OXNAD1: variants seen among roughly 807,000 people sequenced by gnomAD.
The protein encoded by OXNAD1 is oxidoreductase NAD binding domain containing 1.
Under a neutral mutation model 32.9 loss-of-function variants are expected in OXNAD1, and 34 were observed. The observed-to-expected ratio is 1.03, with a 90% confidence interval of 0.79 to 1.38. OXNAD1 has a LOEUF of 1.38. OXNAD1 is among the 40% of genes most tolerant of loss of function. The pLI, the probability that OXNAD1 is intolerant of heterozygous loss-of-function variation, is 0.00. For missense variants in OXNAD1, 407 were observed against 379.4 expected, an observed-to-expected ratio of 1.07 and a Z score of -0.60; for synonymous variants, 134 against 135.2, an observed-to-expected ratio of 0.99 and a Z score of 0.06.
At chr3:16,283,313 T>A (rs143231348) in intron 4 of OXNAD1, among the ~76,000 whole-genome samples, 208 of 152,302 alleles carry the variant, frequency 1.4e-3, no homozygotes, top group African/African-American at 4.8e-3. Flanking sequence ...TTTCGTTGTA[T>A]GGCATAAGTG....
intron 4 of OXNAD1, among the ~76,000 whole-genome samples, chr3:16,281,895 CTTTTTT>C (rs1213407558): frequency 0.011 from 1,201 of 110,510 alleles, 10 homozygotes; most frequent in Non-Finnish European, 0.018. Flanking sequence ...AATAACATTT[CTTTTTT>C]TTTTTTTTTT....
At position 16,303,714 on chromosome 3, in the gene OXNAD1, C is replaced by A; in HGVS notation, c.*152C>A. The A allele has an allele frequency of 1.3e-6, 1 of 792,488 alleles. No homozygotes were observed. Among genetic ancestry groups the A allele is most frequent in the Non-Finnish European group, 1.8e-6 (1 of 542,850 alleles). The allele number at this position is 792,488 out of a possible 1,614,324, so 49.1% of individuals were successfully genotyped here. ...TGACCAGCTGGATAATAAAAGCCAGCTGGCAGACTTAAATGATAAACTTTT... is the reference window on the plus strand; with the variant it reads ...TGACCAGCTGGATAATAAAAGCCAGATGGCAGACTTAAATGATAAACTTTT... On this transcript the variant is annotated 3_prime_UTR_variant, in exon 9 of 9. Transcript: ENST00000285083. This position sits in a 1 kb window ranked among gnomAD's most constrained non-coding sequence, Gnocchi z 4.8.
rs148162192 is a variant in OXNAD1, at chr3:16,334,466, C to T, written c.*31-2646C>T. On this transcript the variant is annotated intron_variant, in intron 9 of 9. Coordinates refer to the OXNAD1 transcript ENST00000435829. The surrounding 1 kb of genome is among the most constrained non-coding windows in gnomAD (Gnocchi z 4.3). Reference sequence around the variant, plus strand: ...ATGCACAGAGTTATTCACTGGAGAGCGGTCTGCAGTAGCAAGACACTGGAA... The same window carrying T: ...ATGCACAGAGTTATTCACTGGAGAGTGGTCTGCAGTAGCAAGACACTGGAA... Among the ~76,000 whole-genome samples the T allele has an allele frequency of 8.2e-4, 125 of 152,244 alleles. No homozygotes were observed. Among genetic ancestry groups the T allele is most frequent in the African/African-American group, 2.7e-3 (112 of 41,530 alleles).
chr3:16,311,022 G>A (rs996143699), downstream of OXNAD1, among the ~76,000 whole-genome samples: 47 of 143,352 alleles, frequency 3.3e-4, no homozygotes, highest in African/African-American at 1.2e-3. Flanking sequence ...AAATCATCTG[G>A]GAGAATTCCC....
At chr3:16,351,643 C>T (rs186487837), downstream of OXNAD1, among the ~76,000 whole-genome samples, 2 of 152,230 alleles carry the variant, frequency 1.3e-5, no homozygotes, top group East Asian at 3.9e-4. This position sits in a 1 kb window ranked among gnomAD's most constrained non-coding sequence, Gnocchi z 5.4. Context: ...ATGCTCATGC[C>T]CTTCTGACCT....
chr3:16,338,225 T>A (rs2071043410), downstream of OXNAD1, among the ~76,000 whole-genome samples: 1 of 152,218 alleles, frequency 6.6e-6, no homozygotes, highest in Non-Finnish European at 1.5e-5. The surrounding 1 kb of genome is among the most constrained non-coding windows in gnomAD (Gnocchi z 5.3). Flanking sequence ...TGCATCCTTA[T>A]TATCAGGGGT....
chr3:16,292,147 T>G (rs190269305), intron 5 of OXNAD1, among the ~76,000 whole-genome samples: 1 of 151,884 alleles, frequency 6.6e-6, no homozygotes, highest in African/African-American at 2.4e-5. Context: ...TTAATAGATA[T>G]ATTATTTAAA....
At chr3:16,266,594 C>T (rs1336747065) in intron 1 of OXNAD1, among the ~76,000 whole-genome samples, 3 of 116,454 alleles carry the variant, frequency 2.6e-5, no homozygotes, top group Non-Finnish European at 5.0e-5. Flanking sequence ...CAGAGCTAGA[C>T]GCTGTCTCAA....
At chr3:16,270,353 G>C (rs2064836966) in intron 2 of OXNAD1, among the ~76,000 whole-genome samples, 1 of 152,162 alleles carries the variant, frequency 6.6e-6, no homozygotes, top group Non-Finnish European at 1.5e-5. Flanking sequence ...GCATGTAGTT[G>C]CAGTTTGTTT....
At position 16,303,406 on chromosome 3, in the gene OXNAD1, A is replaced by T. The variant is rs1447833380; in HGVS notation, c.785-2A>T. On this transcript the variant is annotated splice_acceptor_variant, in intron 8 of 8. Transcript: ENST00000285083. LOFTEE classifies it high-confidence loss of function. This position sits in a 1 kb window ranked among gnomAD's most constrained non-coding sequence, Gnocchi z 4.8. ...TTTGGTGTTTATTCTGGTTTTTGGT[A>T]GAAGGAAGAATAACGGAGAAGGAGA... is the stretch of plus-strand genomic sequence containing the variant. 1.2e-6 allele frequency: 2 copies of T among 1,613,206 alleles called. No individual in the cohort carries two copies. The highest frequency in any genetic ancestry group is 2.2e-5 in the South Asian group (2 of 90,938).
rs887026741 is a variant in OXNAD1 at position 16,346,744 on chromosome 3, C to T, written c.*31-2432C>T. 6.6e-5 allele frequency among the ~76,000 whole-genome samples: 10 copies of T among 152,198 alleles called. No homozygotes were observed. The highest frequency in any genetic ancestry group is 2.6e-4 in the Admixed American group (4 of 15,284). Reference sequence around the variant, plus strand: ...AAAAGGGACGTGTGGCAGGAAAAAACTGCCCCGTTCTTCACGGTTGTCATC... The same window carrying T: ...AAAAGGGACGTGTGGCAGGAAAAAATTGCCCCGTTCTTCACGGTTGTCATC... On this transcript the variant is annotated intron_variant, in intron 9 of 9. Transcript: ENST00000606098. The surrounding 1 kb of genome is among the most constrained non-coding windows in gnomAD (Gnocchi z 4.4).
chr3:16,321,875 A>T lies in OXNAD1; in HGVS notation c.*31-15237A>T, dbSNP rs911634411. Among the ~76,000 whole-genome samples the T allele has an allele frequency of 6.6e-6, 1 of 152,108 alleles. No homozygotes were observed. Among genetic ancestry groups the T allele is most frequent in the Non-Finnish European group, 1.5e-5 (1 of 68,004 alleles). ...TCTCTAAAGTCTCCCTGCCGACTCA[A>T]GTTTCCACTGACTTGTCCCCCTGCA... On this transcript the variant is annotated intron_variant, in intron 9 of 9. Coordinates refer to the OXNAD1 transcript ENST00000435829. This position sits in a 1 kb window ranked among gnomAD's most constrained non-coding sequence, Gnocchi z 4.8.
chr3:16,325,852 T>TC (rs1350269025), intron 9 of OXNAD1, among the ~76,000 whole-genome samples: 3 of 152,190 alleles, frequency 2.0e-5, no homozygotes, highest in African/African-American at 7.2e-5. Flanking sequence ...CCCCATGCTG[T>TC]CCATCACTCT....
downstream of OXNAD1, among the ~76,000 whole-genome samples, chr3:16,338,902 A>G (rs1202286462): frequency 1.3e-5 from 2 of 152,224 alleles, no homozygotes; most frequent in South Asian, 2.1e-4. This position sits in a 1 kb window ranked among gnomAD's most constrained non-coding sequence, Gnocchi z 5.3. Context: ...AAAACTGTCA[A>G]CGTTGTCCCC....
chr3:16,278,624 G>A (rs989985679), intron 4 of OXNAD1, among the ~76,000 whole-genome samples: 6 of 152,158 alleles, frequency 3.9e-5, no homozygotes, highest in Admixed American at 6.5e-5. Context: ...TTGTTCAAGG[G>A]ACAAGGACTC....
intron 4 of OXNAD1, among the ~76,000 whole-genome samples, chr3:16,273,386 T>TC (rs1414377322): frequency 7.3e-6 from 1 of 137,100 alleles, no homozygotes; most frequent in East Asian, 2.1e-4. Flanking sequence ...ATTTTCTTGT[T>TC]TTTTTTTTTT....
intron 9 of OXNAD1, among the ~76,000 whole-genome samples, chr3:16,331,167 C>T (rs1459064595): frequency 6.6e-6 from 1 of 152,174 alleles, no homozygotes; most frequent in Non-Finnish European, 1.5e-5. Context: ...TTGCCTTTCA[C>T]CAATTAGGGT....
rs1389399109 is a variant in OXNAD1 at position 16,312,393 on chromosome 3, C to A, written c.*30+8801C>A. Among the ~76,000 whole-genome samples, 1 of 152,204 alleles carries A rather than the reference C, an allele frequency of 6.6e-6. No individual in the cohort carries two copies. The highest frequency in any genetic ancestry group is 6.5e-5 in the Admixed American group (1 of 15,286). Reference sequence around the variant, plus strand: ...CTCACGCAGTTGGCCTCCAGCACTTCCAGCAGGGCTCTTGGAAACAAGATC... The same window carrying A: ...CTCACGCAGTTGGCCTCCAGCACTTACAGCAGGGCTCTTGGAAACAAGATC... On this transcript the variant is annotated intron_variant, in intron 9 of 9. Coordinates refer to the OXNAD1 transcript ENST00000435829. This position sits in a 1 kb window ranked among gnomAD's most constrained non-coding sequence, Gnocchi z 4.7.
intron 9 of OXNAD1, among the ~76,000 whole-genome samples, chr3:16,324,648 G>T (rs1452221349): frequency 2.7e-5 from 1 of 37,300 alleles, no homozygotes; most frequent in Non-Finnish European, 5.9e-5. Context: ...GTATTCCATT[G>T]TGTGTGTGTG....
Sources: gnomAD v4.1 joint callset for allele counts (sites outside exome capture counted in the v4.1 genomes callset) on GRCh38, gnomAD v4.1.1 for gene constraint, Gnocchi (gnomAD v3.1) non-coding constraint, MANE v1.5 for transcripts, NCBI Gene and HGNC (gene_info 2026-07-23, HGNC 2026-07-21) for gene names.